CLNK: variants seen among roughly 807,000 people sequenced by gnomAD.
CLNK encodes the protein cytokine-dependent hematopoietic cell linker.
CLNK carries 74 observed loss-of-function variants against 68.6 expected under a neutral mutation model. The ratio of observed to expected loss-of-function variants is 1.08; its 90% confidence interval spans 0.89 to 1.31. The LOEUF is 1.31. Ranked by LOEUF, CLNK falls within the 50% of genes most tolerant of loss-of-function variation. CLNK has a pLI of 0.00. For synonymous variants in CLNK, 198 were observed against 172.2 expected, an observed-to-expected ratio of 1.15 and a Z score of -1.17; for missense variants, 553 against 515.3, an observed-to-expected ratio of 1.07 and a Z score of -0.71.
intron 2 of CLNK, among the ~76,000 whole-genome samples, chr4:10,653,594 A>G (rs12233843): frequency 0.44 from 67,220 of 152,014 alleles, 16,011 homozygotes; most frequent in Non-Finnish European, 0.54. Flanking sequence ...TTATAGTAGA[A>G]CAGGATGGCT....
At chr4:10,681,221 A>C (rs978051675) in intron 1 of CLNK, among the ~76,000 whole-genome samples, 1 of 152,200 alleles carries the variant, frequency 6.6e-6, no homozygotes, top group Non-Finnish European at 1.5e-5. Context: ...ACACTTGAAC[A>C]AAATCACCAA....
intron 17 of CLNK, among the ~76,000 whole-genome samples, chr4:10,507,528 G>A (rs1296121788): frequency 4.0e-5 from 6 of 151,004 alleles, no homozygotes; most frequent in Non-Finnish European, 5.9e-5. Context: ...CAGTGGCACA[G>A]TCTTGGCTCA....
chr4:10,674,468 C>T (rs1355175251), intron 1 of CLNK, among the ~76,000 whole-genome samples: 2 of 152,192 alleles, frequency 1.3e-5, no homozygotes, highest in African/African-American at 2.4e-5. Flanking sequence ...AATGAATTTA[C>T]TTTGGGTTGG....
chr4:10,587,202 G>T lies in CLNK; in HGVS notation c.84-2247C>A, dbSNP rs111593529. On this transcript the variant is annotated intron_variant, in intron 3 of 18. Transcript: ENST00000226951. ...GCTGGTCTCAAACTCCTGACCTCAG[G>T]TGATCCACCCGCCTCAGCCTCCCAA... Among the ~76,000 whole-genome samples the T allele has an allele frequency of 3.2e-3, 480 of 152,154 alleles. 3 individuals are homozygous for T. Among genetic ancestry groups the T allele is most frequent in the African/African-American group, 0.011 (448 of 41,512 alleles).
the CLNK span, among the ~76,000 whole-genome samples, chr4:10,699,043 G>A: frequency 1.3e-5 from 2 of 151,832 alleles, no homozygotes; most frequent in African/African-American, 4.8e-5. Flanking sequence ...TTACACCATT[G>A]GCTTTCCCAG....
chr4:10,722,966 C>T, the CLNK span, among the ~76,000 whole-genome samples: 1 of 151,934 alleles, frequency 6.6e-6, no homozygotes, highest in Non-Finnish European at 1.5e-5. Flanking sequence ...ACAATAATTG[C>T]TTGAACCCGG....
chr4:10,568,323 T>C (rs1203661552), intron 5 of CLNK, among the ~76,000 whole-genome samples: 1 of 152,182 alleles, frequency 6.6e-6, no homozygotes, highest in Non-Finnish European at 1.5e-5. Flanking sequence ...ATATGAAATG[T>C]CTGGAAGAGG....
At chr4:10,714,613 G>C in the CLNK span, among the ~76,000 whole-genome samples, 1 of 151,976 alleles carries the variant, frequency 6.6e-6, no homozygotes, top group Non-Finnish European at 1.5e-5. Flanking sequence ...CAGGACAGCA[G>C]CTGGTATATA....
rs1236960595 is a variant in CLNK at position 10,488,103 on chromosome 4, T to TC, written c.*2363dup. On this transcript the variant is annotated 3_prime_UTR_variant, in exon 19 of 19. Transcript: ENST00000226951. ...GCTTTTTATTGCAAGATGTTTAATTTCTTTTTTTTCTTCCTTTTCCCCTCA... is the reference window on the plus strand; with the variant it reads ...GCTTTTTATTGCAAGATGTTTAATTTCCTTTTTTTTCTTCCTTTTCCCCTCA... 6.6e-6 allele frequency: 1 copy of TC among 152,238 alleles called. No individual in the cohort carries two copies. The highest frequency in any genetic ancestry group is 1.5e-5 in the Non-Finnish European group (1 of 68,048). The allele number at this position is 152,238 out of a possible 1,614,324, so 9.4% of individuals were successfully genotyped here. A position where few individuals can be genotyped will look rare whatever the true frequency, so the allele number is the denominator to read the frequency against.
the CLNK span, among the ~76,000 whole-genome samples, chr4:10,716,723 C>T: frequency 7.0e-6 from 1 of 143,542 alleles, no homozygotes; most frequent in Non-Finnish European, 1.5e-5. Context: ...GACAGAGTTT[C>T]ACTCTTGTCA....
intron 8 of CLNK, among the ~76,000 whole-genome samples, chr4:10,548,686 T>C (rs1326280310): frequency 1.3e-5 from 2 of 152,224 alleles, no homozygotes; most frequent in South Asian, 2.1e-4. Flanking sequence ...CCTTGCATGG[T>C]GTGAGGAACG....
In CLNK at chr4:10,521,293, TATG is replaced by T. The variant is rs375342504; in HGVS notation, c.732-465_732-463del. On this transcript the variant is annotated intron_variant, in intron 14 of 18. Coordinates refer to ENST00000226951, the MANE Select transcript of CLNK (RefSeq NM_052964.4). ...TGCTGAGTAAGAAAACTTAGTGGATTATGATAAGAAAAACCCCAAAGAAAAAGA... is the reference window on the plus strand; with the variant it reads ...TGCTGAGTAAGAAAACTTAGTGGATTATAAGAAAAACCCCAAAGAAAAAGA... Among the ~76,000 whole-genome samples the T allele has an allele frequency of 5.4e-4, 82 of 152,328 alleles. No individual in the cohort carries two copies. The East Asian group carries it at 0.013, about 25-fold the overall frequency.
At chr4:10,632,355 G>C (rs1373095087) in intron 2 of CLNK, among the ~76,000 whole-genome samples, 2 of 152,186 alleles carry the variant, frequency 1.3e-5, no homozygotes, top group Non-Finnish European at 2.9e-5. Context: ...AAAATGTGAA[G>C]ACAATGTCCT....
the CLNK span, among the ~76,000 whole-genome samples, chr4:10,699,262 T>TGTACACACAC: frequency 9.9e-3 from 343 of 34,564 alleles, 48 homozygotes; most frequent in Non-Finnish European, 0.02. Context: ...CGTATGTGTG[T>TGTACACACAC]ATACACACAC....
chr4:10,731,859 A>C, the CLNK span, among the ~76,000 whole-genome samples: 1 of 152,202 alleles, frequency 6.6e-6, no homozygotes, highest in Non-Finnish European at 1.5e-5. Context: ...TGCAAATCTA[A>C]CGTAGTCTGA....
intron 15 of CLNK, among the ~76,000 whole-genome samples, chr4:10,519,744 A>C (rs1717982181): frequency 1.3e-5 from 2 of 152,152 alleles, no homozygotes; most frequent in African/African-American, 4.8e-5. Context: ...TTTGGGTGGG[A>C]AGAAGAAAAG....
intron 6 of CLNK, among the ~76,000 whole-genome samples, chr4:10,565,627 A>G (rs1469120098): frequency 6.6e-6 from 1 of 151,742 alleles, no homozygotes; most frequent in Non-Finnish European, 1.5e-5. Flanking sequence ...CTCATTTAAC[A>G]TTTCCCATGC....
Position 10,508,035 on chromosome 4 carries a change from T to C in CLNK, c.908A>G (p.Asp303Gly), listed in dbSNP as rs1477543697. Residue 303 changes from aspartate (D) to glycine (G), a missense_variant and splice_region_variant, in exon 17 of 19, where the codon GAT (aspartate) becomes GGT (glycine). By Grantham distance (94) the Asp-to-Gly change is moderately conservative. Coordinates refer to ENST00000226951, the MANE Select transcript of CLNK (RefSeq NM_052964.4). ...PPFPKRSDRK[D>G]VQHNEWYIGE... ...AATGTACCATTCATTGTGCTGGACA[T>C]CCTGCAGAACAGAATCAATGATAAA... The C allele has an allele frequency of 1.9e-6, 3 of 1,608,478 alleles. No individual in the cohort carries two copies.
At chr4:10,661,730 C>T (rs868773741) in intron 2 of CLNK, among the ~76,000 whole-genome samples, 1 of 152,138 alleles carries the variant, frequency 6.6e-6, no homozygotes, top group Middle Eastern at 3.2e-3. Flanking sequence ...TAGGAAAATG[C>T]AAAATGTCAA....
Sources: gnomAD v4.1 joint callset for allele counts (sites outside exome capture counted in the v4.1 genomes callset) on GRCh38, gnomAD v4.1.1 for gene constraint, MANE v1.5 for transcripts, NCBI Gene and HGNC (gene_info 2026-07-23, HGNC 2026-07-21) for gene names.